The following DIP2A variants were observed in gnomAD, a reference collection of about 807,000 sequenced individuals.
DIP2A encodes the protein disco-interacting protein 2 homolog A.
DIP2A carries 85 observed loss-of-function variants against 177.4 expected under a neutral mutation model. The ratio of observed to expected loss-of-function variants is 0.48; its 90% confidence interval spans 0.40 to 0.57. The LOEUF (loss-of-function observed/expected upper bound fraction) is 0.57, where lower values mean the gene tolerates loss of function less well. Ranked by LOEUF, DIP2A falls within the 20% of genes least tolerant of loss-of-function variation. The pLI is 0.00. For synonymous variants in DIP2A, 886 were observed against 881.8 expected, an observed-to-expected ratio of 1.00 and a Z score of -0.08; for missense variants, 1,791 against 2,100.2, an observed-to-expected ratio of 0.85 and a Z score of 2.88.
chr21:46,470,472 C>G (rs1220794225), intron 1 of DIP2A, among the ~76,000 whole-genome samples: 1 of 117,794 alleles, frequency 8.5e-6, no homozygotes, highest in Non-Finnish European at 1.7e-5. Context: ...GAAGCTCCGT[C>G]TCAAAAAAAA....
Position 46,538,615 on chromosome 21 carries a change from G to C in DIP2A, c.1921+13G>C. On this transcript the variant is annotated intron_variant, in intron 16 of 37. Coordinates refer to ENST00000417564, the MANE Select transcript of DIP2A (RefSeq NM_015151.4). ...GGTGCCAACCCGTGTGAGTGAGCCTGTGTGCCCGGCGCATACCCCACACAG... is the reference window on the plus strand; with the variant it reads ...GGTGCCAACCCGTGTGAGTGAGCCTCTGTGCCCGGCGCATACCCCACACAG... 1 of 1,547,460 alleles carries C rather than the reference G, an allele frequency of 6.5e-7. No homozygotes were observed. The highest frequency in any genetic ancestry group is 8.7e-7 in the Non-Finnish European group (1 of 1,147,496).
At chr21:46,576,796 G>T in the DIP2A span, among the ~76,000 whole-genome samples, 1 of 152,008 alleles carries the variant, frequency 6.6e-6, no homozygotes, top group Non-Finnish European at 1.5e-5. Context: ...GTTGTTTTTT[G>T]ACGTTTTAAT....
At chr21:46,510,027 T>G (rs1355512034) in intron 7 of DIP2A, among the ~76,000 whole-genome samples, 3 of 152,188 alleles carry the variant, frequency 2.0e-5, no homozygotes, top group Non-Finnish European at 2.9e-5. Context: ...CAGGGTTCTC[T>G]AGAGGGACGG....
intron 1 of DIP2A, among the ~76,000 whole-genome samples, chr21:46,477,543 T>TTTTTTTTTGTGTGTGTGTGTGTGTGTGTG (rs374607636): frequency 3.4e-5 from 3 of 87,132 alleles, no homozygotes; most frequent in African/African-American, 1.3e-4. Flanking sequence ...AAAAAAAGAT[T>TTTTTTTTTGTGTGTGTGTGTGTGTGTGTG]TGTGTGTGTG....
intron 32 of DIP2A, chr21:46,558,687 G>C: frequency 2.4e-6 from 1 of 412,048 alleles, no homozygotes; most frequent in South Asian, 2.6e-5. Context: ...CTTAAAGCAA[G>C]ATTGAACTTA....
rs550920709 is a variant in DIP2A, at chr21:46,505,404, C to T, written c.784+915C>T. ...CGGGCAGATCACTAGGTCAGGAGAT[C>T]GAGACCATCCTGGCTAACGTGGTGA... On this transcript the variant is annotated intron_variant, in intron 6 of 37. Transcript: ENST00000417564. Among the ~76,000 whole-genome samples, 5 of 152,114 alleles carry T rather than the reference C, an allele frequency of 3.3e-5. No homozygotes were observed. In the East Asian group the frequency reaches 5.8e-4, roughly 18 times the overall value.
intron 33 of DIP2A, chr21:46,561,127 T>C (rs1440837513): frequency 4.9e-6 from 3 of 613,726 alleles, no homozygotes; most frequent in Non-Finnish European, 6.1e-6. Flanking sequence ...TTTGGTTCTT[T>C]AGAGGGACAG....
At chr21:46,500,807 A>G (rs577603579) in intron 5 of DIP2A, among the ~76,000 whole-genome samples, 2 of 152,366 alleles carry the variant, frequency 1.3e-5, no homozygotes, top group East Asian at 3.9e-4. Context: ...AGATGTTTTC[A>G]TTCTCTGAAA....
chr21:46,574,022 A>C (rs1294400484), downstream of DIP2A, among the ~76,000 whole-genome samples: 2 of 152,214 alleles, frequency 1.3e-5, no homozygotes, highest in Non-Finnish European at 2.9e-5. Flanking sequence ...ACATATGCAG[A>C]ACATTCTACC....
chr21:46,558,055 T>C (rs778587634), intron 31 of DIP2A, among the ~76,000 whole-genome samples, 168 bp from the exon 32 acceptor site: 55 of 152,304 alleles, frequency 3.6e-4, no homozygotes, highest in Admixed American at 5.9e-4. Context: ...GGGAATCGTT[T>C]AGCGCATCCA....
chr21:46,500,992 T>TA (rs2057618739), intron 5 of DIP2A, among the ~76,000 whole-genome samples: 2 of 152,226 alleles, frequency 1.3e-5, no homozygotes, highest in Non-Finnish European at 2.9e-5. Flanking sequence ...TGGACTTGAT[T>TA]TAATACTTTG....
intron 1 of DIP2A, among the ~76,000 whole-genome samples, chr21:46,460,118 A>G (rs2148194537): frequency 6.6e-6 from 1 of 152,332 alleles, no homozygotes. Flanking sequence ...TTGGATTGTT[A>G]TGAGGCTAAA....
chr21:46,462,705 T>G (rs2054426705), intron 1 of DIP2A: 1 of 150,520 alleles, frequency 6.6e-6, no homozygotes, highest in Admixed American at 6.6e-5. Flanking sequence ...GTCACTGTGC[T>G]TGGTAGGTTG....
chr21:46,566,584 T>A lies in DIP2A; in HGVS notation c.4364T>A (p.Val1455Asp). Residue 1455 changes from valine to aspartate, a missense_variant, in exon 37 of 38, where the codon GTT becomes GAT. Physicochemically the swap from Val to Asp is radical, Grantham distance 152. Transcript: ENST00000417564. ...GGGCGGCACGATGCACTGTATGTGGTTGGGTCTCTGGATGAAACTCTGGAG... is the reference window on the plus strand; with the variant it reads ...GGGCGGCACGATGCACTGTATGTGGATGGGTCTCTGGATGAAACTCTGGAG... ...SGGRHDALYV[V>D]GSLDETLELR... 1 of 1,614,102 alleles carries A rather than the reference T, an allele frequency of 6.2e-7. No individual in the cohort carries two copies. The highest frequency in any genetic ancestry group is 8.5e-7 in the Non-Finnish European group (1 of 1,179,962).
At chr21:46,538,696 T>C in intron 16 of DIP2A, 94 bp downstream of exon 16, 1 of 1,479,758 alleles carries the variant, frequency 6.8e-7, no homozygotes, top group Non-Finnish European at 9.0e-7. Context: ...GGAGGCATTT[T>C]CACTGCCATT....
chr21:46,557,181 T>A lies in DIP2A; in HGVS notation c.3629+112T>A. 2 of 1,267,796 alleles carry A rather than the reference T, an allele frequency of 1.6e-6. No homozygotes were observed. Among genetic ancestry groups the A allele is most frequent in the Non-Finnish European group, 1.1e-6 (1 of 942,754 alleles). The allele number at this position is 1,267,796 out of a possible 1,614,324, so 78.5% of individuals were successfully genotyped here. A position where few individuals can be genotyped will look rare whatever the true frequency, so the allele number is the denominator to read the frequency against. On this transcript the variant is annotated intron_variant, in intron 30 of 37. Coordinates refer to ENST00000417564, the MANE Select transcript of DIP2A (RefSeq NM_015151.4). The surrounding 1 kb of genome is among the most constrained non-coding windows in gnomAD (Gnocchi z 6.0). ...GTGCTCAGGAAGCCGATGAGATGTG[T>A]GTGAGTGGGTTTGTTTGGGGATGAA...
intron 25 of DIP2A, 170 bp from the exon 26 acceptor site, chr21:46,553,999 A>C: frequency 1.2e-6 from 1 of 840,356 alleles, no homozygotes; most frequent in Non-Finnish European, 1.7e-6. Flanking sequence ...CCCCATCTCT[A>C]CCAAAAAAAA....
intron 1 of DIP2A, among the ~76,000 whole-genome samples, chr21:46,476,242 C>CAA (rs113478198): frequency 2.1e-5 from 3 of 144,416 alleles, no homozygotes; most frequent in Non-Finnish European, 4.6e-5. Flanking sequence ...GACTCCGTCT[C>CAA]AAAAAAAAAA....
chr21:46,530,820 A>C (rs2059326219), intron 9 of DIP2A, among the ~76,000 whole-genome samples: 1 of 152,182 alleles, frequency 6.6e-6, no homozygotes, highest in Admixed American at 6.5e-5. Flanking sequence ...TTTCAGGGGA[A>C]AAGTAGGATG....
Sources: gnomAD v4.1 joint callset for allele counts (sites outside exome capture counted in the v4.1 genomes callset) on GRCh38, gnomAD v4.1.1 for gene constraint, Gnocchi (gnomAD v3.1) non-coding constraint, MANE v1.5 for transcripts, NCBI Gene and HGNC (gene_info 2026-07-23, HGNC 2026-07-21) for gene names.